Variants in PALS2 observed in about 807,000 individuals in gnomAD.
PALS2 encodes the protein protein associated with LIN7 2, MAGUK p55 family member, also known as protein PALS2.
In PALS2, 27 loss-of-function variants were observed where a neutral mutation model predicts 61.6. The ratio of observed to expected loss-of-function variants is 0.44; its 90% CI spans 0.32 to 0.60. PALS2 has a LOEUF of 0.60. Among genes scored for constraint, PALS2 ranks in the 20% least tolerant of loss-of-function variants. The probability of loss-of-function intolerance (pLI) is 0.05; values close to 1 mark genes in which losing one functional copy is unlikely to be tolerated. For missense variants in PALS2, 554 were observed against 639.4 expected (o/e 0.87, Z 1.44); for synonymous variants, 236 against 218.6 (o/e 1.08, Z -0.70).
chr7:24,663,195 C>A (rs1786830522), intron 5 of PALS2, among the ~76,000 whole-genome samples: 1 of 152,142 alleles, frequency 6.6e-6, no homozygotes, highest in Non-Finnish European at 1.5e-5. Context: ...TCTAATACAT[C>A]TGAAATATAT....
At chr7:24,586,837 G>A (rs1783083081) in intron 1 of PALS2, among the ~76,000 whole-genome samples, 2 of 152,108 alleles carry the variant, frequency 1.3e-5, no homozygotes, top group South Asian at 2.1e-4. Context: ...AGAGGGAAGG[G>A]AGAGTAAAAG....
intron 2 of PALS2, among the ~76,000 whole-genome samples, chr7:24,635,043 C>T (rs920030801): frequency 6.6e-6 from 1 of 152,142 alleles, no homozygotes; most frequent in Non-Finnish European, 1.5e-5. Context: ...ATAGTTTTCA[C>T]TGTTCTGGAT....
intron 9 of PALS2, among the ~76,000 whole-genome samples, chr7:24,676,774 T>G (rs1787621818): frequency 6.6e-6 from 1 of 151,332 alleles, no homozygotes; most frequent in South Asian, 2.1e-4. Flanking sequence ...TTTTGGTTAC[T>G]GTAGCCTTGT....
At chr7:24,576,120 A>G (rs1029838027) in intron 1 of PALS2, among the ~76,000 whole-genome samples, 1 of 152,222 alleles carries the variant, frequency 6.6e-6, no homozygotes, top group African/African-American at 2.4e-5. Flanking sequence ...AGGCGGAGAA[A>G]AATTATGCTA....
chr7:24,636,212 CAAAAA>C (rs553687246), intron 2 of PALS2, among the ~76,000 whole-genome samples: 6 of 65,348 alleles, frequency 9.2e-5, no homozygotes, highest in South Asian at 5.0e-4. Context: ...AACTCTATCT[CAAAAA>C]AAAAAAAAAA....
At chr7:24,585,722 G>A (rs980521108) in intron 1 of PALS2, among the ~76,000 whole-genome samples, 55 of 151,852 alleles carry the variant, frequency 3.6e-4, no homozygotes, top group African/African-American at 1.3e-3. Flanking sequence ...TTTTTGAGAC[G>A]GAGTCTCACA....
At chr7:24,595,736 GGA>G (rs1783499312) in intron 1 of PALS2, among the ~76,000 whole-genome samples, 1 of 150,898 alleles carries the variant, frequency 6.6e-6, no homozygotes, top group South Asian at 2.1e-4. Flanking sequence ...CTAAAAGGAT[GGA>G]GAGTGACAAG....
At chr7:24,670,469 G>A (rs948376269) in intron 9 of PALS2, among the ~76,000 whole-genome samples, 1 of 152,076 alleles carries the variant, frequency 6.6e-6, no homozygotes, top group African/African-American at 2.4e-5. Context: ...CTGGGTTGAA[G>A]CTGTTGTTCC....
chr7:24,633,100 CTATT>C (rs766218639), intron 2 of PALS2, among the ~76,000 whole-genome samples: 4 of 152,026 alleles, frequency 2.6e-5, no homozygotes, highest in Non-Finnish European at 4.4e-5. Context: ...AAACTATTAT[CTATT>C]AAATCAATTA....
chr7:24,573,592 C>A lies in PALS2; in HGVS notation c.-4C>A. On this transcript the variant is annotated splice_region_variant and 5_prime_UTR_variant, in exon 1 of 12. Coordinates refer to ENST00000222644, the MANE Select transcript of PALS2 (RefSeq NM_001303037.2). The surrounding 1 kb of genome is among the most constrained non-coding windows in gnomAD (Gnocchi z 5.3). Reference sequence around the variant, plus strand: ...GCGCGGAGGCGGCTGAGGTGCGAGCCGGTGAGTTAACTGGACCCCCACGCC... The same window carrying A: ...GCGCGGAGGCGGCTGAGGTGCGAGCAGGTGAGTTAACTGGACCCCCACGCC... The A allele has an allele frequency of 2.7e-6, 1 of 373,194 alleles. No homozygotes were observed. The highest frequency in any genetic ancestry group is 3.8e-5 in the East Asian group (1 of 26,090). The allele number at this position is 373,194 out of a possible 1,614,324, so 23.1% of individuals were successfully genotyped here.
intron 1 of PALS2, among the ~76,000 whole-genome samples, chr7:24,602,691 A>C (rs1187295377): frequency 6.6e-6 from 1 of 152,116 alleles, no homozygotes; most frequent in Non-Finnish European, 1.5e-5. Flanking sequence ...CTCTCTCCAG[A>C]AAATAAGCCC....
intron 9 of PALS2, among the ~76,000 whole-genome samples, chr7:24,671,899 G>A (rs185911736): frequency 6.3e-4 from 95 of 151,812 alleles, no homozygotes; most frequent in Non-Finnish European, 1.2e-3. Context: ...CATTAACCTA[G>A]ATGTCTGTCC....
At chr7:24,622,622 A>C (rs1470890682) in intron 1 of PALS2, among the ~76,000 whole-genome samples, 1 of 151,738 alleles carries the variant, frequency 6.6e-6, no homozygotes, top group South Asian at 2.1e-4. Flanking sequence ...ATGATCTGCA[A>C]ATATAAATTG....
At chr7:24,643,654 G>T in intron 3 of PALS2, among the ~76,000 whole-genome samples, 1 of 152,110 alleles carries the variant, frequency 6.6e-6, no homozygotes, top group East Asian at 1.9e-4. Flanking sequence ...GCAGCTGGTT[G>T]CACCATACCT....
At position 24,675,562 on chromosome 7, in the gene PALS2, C is replaced by T. The variant is rs1402512960; in HGVS notation, c.1115-3569C>T. 5.0e-3 allele frequency among the ~76,000 whole-genome samples: 584 copies of T among 116,876 alleles called. 4 individuals are homozygous for T. The highest frequency in any genetic ancestry group is 0.018 in the African/African-American group (530 of 30,148). The allele number at this position is 116,876 out of a possible 152,430, so 76.7% of individuals were successfully genotyped here. A position where few individuals can be genotyped will look rare whatever the true frequency, so the allele number is the denominator to read the frequency against. On this transcript the variant is annotated intron_variant, in intron 9 of 11. Coordinates refer to ENST00000222644, the MANE Select transcript of PALS2 (RefSeq NM_001303037.2). ...CCCCCTCCCCCCACCCCACAACAGT[C>T]CCCAGAGTGTGATGTTCCCCTTCCT...
chr7:24,630,072 C>T (rs1305088717), intron 2 of PALS2, among the ~76,000 whole-genome samples: 4 of 152,132 alleles, frequency 2.6e-5, no homozygotes, highest in Non-Finnish European at 4.4e-5. Context: ...GACTTGGAAC[C>T]AACCCAAATG....
intron 2 of PALS2, among the ~76,000 whole-genome samples, chr7:24,630,042 G>A (rs1406919968): frequency 6.6e-6 from 1 of 152,078 alleles, no homozygotes; most frequent in Admixed American, 6.5e-5. Flanking sequence ...GTTTATTGCA[G>A]CACTATTCAC....
At chr7:24,586,819 G>A (rs1388487433) in intron 1 of PALS2, among the ~76,000 whole-genome samples, 1 of 152,168 alleles carries the variant, frequency 6.6e-6, no homozygotes, top group African/African-American at 2.4e-5. Context: ...CTGAAAGACA[G>A]TGGTGGCAGA....
intron 1 of PALS2, among the ~76,000 whole-genome samples, chr7:24,580,199 C>T (rs1298384225): frequency 1.3e-5 from 2 of 152,098 alleles, no homozygotes; most frequent in Admixed American, 1.3e-4. Flanking sequence ...ATATTTTGTT[C>T]TGTAGGTCAT....
Sources: allele counts gnomAD v4.1 joint callset (sites outside exome capture counted in the v4.1 genomes callset), GRCh38; gene constraint gnomAD v4.1.1; non-coding constraint Gnocchi (gnomAD v3.1); transcripts MANE v1.5; gene names NCBI Gene and HGNC (gene_info 2026-07-23, HGNC 2026-07-21).